SANBR: variants seen among roughly 807,000 people sequenced by gnomAD.
SANBR encodes SANT and BTB domain regulator of class switch recombination.
In SANBR, 77 loss-of-function variants were observed where a neutral mutation model predicts 101.8. The ratio of observed to expected loss-of-function variants is 0.76; its 90% CI spans 0.63 to 0.91. SANBR has a LOEUF of 0.91. Ranked by LOEUF, SANBR falls within the 40% of genes least tolerant of loss-of-function variation. SANBR has a pLI of 0.00. For missense variants in SANBR, 875 were observed against 853.0 expected, an observed-to-expected ratio of 1.03 and a Z score of -0.32; for synonymous variants, 279 against 274.7, an observed-to-expected ratio of 1.02 and a Z score of -0.15.
At chr2:61,085,909 A>G (rs72877563) in intron 8 of SANBR, among the ~76,000 whole-genome samples, 3,842 of 152,244 alleles carry the variant, frequency 0.025, 177 homozygotes, top group African/African-American at 0.088. Flanking sequence ...AGTGTTGTCT[A>G]TTAAGTTCTT....
chr2:61,137,399 A>T (rs1359778510), intron 21 of SANBR: 1 of 152,318 alleles, frequency 6.6e-6, no homozygotes, highest in Non-Finnish European at 1.5e-5. Context: ...ATAGCCTGCT[A>T]AACTCTGCAC....
At chr2:61,134,926 C>G (rs1684800190) in intron 21 of SANBR, among the ~76,000 whole-genome samples, 1 of 152,000 alleles carries the variant, frequency 6.6e-6, no homozygotes, top group South Asian at 2.1e-4. Flanking sequence ...GTGGCTCACA[C>G]CTGTAATCCC....
At chr2:61,090,852 A>T (rs1286980839) in intron 10 of SANBR, among the ~76,000 whole-genome samples, 1 of 151,812 alleles carries the variant, frequency 6.6e-6, no homozygotes, top group Non-Finnish European at 1.5e-5. Context: ...CTAGGATTAC[A>T]GGTGTGAGCC....
chr2:61,089,897 ATCT>A (rs1682649445), intron 10 of SANBR, among the ~76,000 whole-genome samples: 1 of 151,796 alleles, frequency 6.6e-6, no homozygotes, highest in African/African-American at 2.4e-5. Flanking sequence ...GGCTCAAGAG[ATCT>A]TCTTGCCTGT....
intron 6 of SANBR, among the ~76,000 whole-genome samples, chr2:61,078,752 T>C (rs1378698571): frequency 6.6e-6 from 1 of 152,142 alleles, no homozygotes; most frequent in Admixed American, 6.5e-5. Flanking sequence ...AAGGTGGTTA[T>C]TTTAGGCAGG....
intron 20 of SANBR, among the ~76,000 whole-genome samples, chr2:61,132,681 G>A (rs1684723251): frequency 1.3e-5 from 2 of 152,230 alleles, no homozygotes; most frequent in African/African-American, 4.8e-5. Context: ...TTGAAAACAG[G>A]TACTCAAACC....
chr2:61,081,679 C>T (rs564588201), intron 7 of SANBR, among the ~76,000 whole-genome samples, 169 bp downstream of exon 7: 5 of 152,180 alleles, frequency 3.3e-5, no homozygotes, highest in East Asian at 1.9e-4. Context: ...GACAGAGTCT[C>T]GCTCTGTCAC....
In SANBR at chr2:61,123,703, A is replaced by C; in HGVS notation, c.*1541A>C. 1.0e-6 allele frequency: 1 copy of C among 984,834 alleles called. No individual in the cohort carries two copies. The highest frequency in any genetic ancestry group is 1.2e-6 in the Non-Finnish European group (1 of 829,216). 61.0% of individuals were successfully genotyped at this position (984,834 alleles called of 1,614,324 possible). ...AATATATATGCTCTTTTGATTTTTA[A>C]CTGATGGTAAAAAGGCAAACTGCTT... On this transcript the variant is annotated 3_prime_UTR_variant, in exon 22 of 22. Transcript: ENST00000402291.
At chr2:61,126,030 C>A (rs188768364), downstream of SANBR, among the ~76,000 whole-genome samples, 42 of 152,306 alleles carry the variant, frequency 2.8e-4, no homozygotes, top group African/African-American at 9.4e-4. Flanking sequence ...TAGTTTCAGG[C>A]TTGTTTACTC....
chr2:61,129,359 A>G (rs954179211), intron 20 of SANBR, among the ~76,000 whole-genome samples: 5 of 151,812 alleles, frequency 3.3e-5, no homozygotes, highest in Non-Finnish European at 7.4e-5. Flanking sequence ...CAAGAGAATC[A>G]CTTGAACCTG....
At chr2:61,126,769 CAAAAAAAAAAAA>C (rs34858449), downstream of SANBR, among the ~76,000 whole-genome samples, 1 of 109,176 alleles carries the variant, frequency 9.2e-6, no homozygotes, top group Non-Finnish European at 1.9e-5. Flanking sequence ...GCCACTGTCT[CAAAAAAAAAAAA>C]AAAAAAAAAA....
chr2:61,119,539 A>G (rs1292728360), intron 20 of SANBR, among the ~76,000 whole-genome samples: 1 of 152,228 alleles, frequency 6.6e-6, no homozygotes, highest in Non-Finnish European at 1.5e-5. Context: ...TTAAAAACCT[A>G]ATAAAAATAA....
chr2:61,136,821 A>T (rs542041088), intron 21 of SANBR, among the ~76,000 whole-genome samples: 22 of 151,758 alleles, frequency 1.4e-4, no homozygotes, highest in Non-Finnish European at 2.6e-4. Flanking sequence ...AATAAAAAAA[A>T]TTAGCCAGGC....
intron 13 of SANBR, among the ~76,000 whole-genome samples, chr2:61,105,617 C>G (rs1052544905): frequency 2.0e-5 from 3 of 151,878 alleles, no homozygotes; most frequent in Admixed American, 6.6e-5. Context: ...CCACCCGCCT[C>G]TGCCTCCTGA....
rs527842383 is a variant in SANBR at position 61,074,293 on chromosome 2, A to G, written c.431+742A>G. Among the ~76,000 whole-genome samples the G allele has an allele frequency of 6.6e-5, 10 of 152,384 alleles. 1 individual carries two copies. The South Asian group carries it at 2.1e-3, about 32-fold the overall frequency. ...CAACAGTGTGAATATACTTAATGCC[A>G]CTGAACTTAAAAGTGGTTAAAGTGG... On this transcript the variant is annotated intron_variant, in intron 5 of 21. Coordinates refer to ENST00000402291, the MANE Select transcript of SANBR (RefSeq NM_001129993.3).
chr2:61,121,326 T>C lies in SANBR; in HGVS notation c.2120+50T>C, dbSNP rs1450499692. On this transcript the variant is annotated intron_variant, in intron 21 of 21. Coordinates refer to ENST00000402291, the MANE Select transcript of SANBR (RefSeq NM_001129993.3). Reference sequence around the variant, plus strand: ...AGTGTCAGTGGCTTTGAAGTGAATTTTTTTTTTAAGATAAATCATATGAAC... The same window carrying C: ...AGTGTCAGTGGCTTTGAAGTGAATTCTTTTTTTAAGATAAATCATATGAAC... The C allele has an allele frequency of 3.0e-6, 4 of 1,328,014 alleles. No homozygotes were observed. The Admixed American group carries it at 6.2e-5, about 21-fold the overall frequency. The allele number at this position is 1,328,014 out of a possible 1,614,324, so 82.3% of individuals were successfully genotyped here.
chr2:61,105,917 G>A (rs1319986174), intron 13 of SANBR, among the ~76,000 whole-genome samples: 2 of 152,146 alleles, frequency 1.3e-5, no homozygotes, highest in African/African-American at 2.4e-5. Context: ...TGATCCGCCC[G>A]CCTCGGCCTC....
intron 2 of SANBR, among the ~76,000 whole-genome samples, 183 bp from the exon 3 acceptor site, chr2:61,070,159 A>C (rs891400904): frequency 8.5e-5 from 13 of 152,238 alleles, no homozygotes; most frequent in African/African-American, 3.1e-4. Flanking sequence ...TTATCAATGC[A>C]TAATATTCAA....
chr2:61,124,141 T>C lies in SANBR; in HGVS notation c.*1979T>C. ...GTGTTTTTAATTTTGTTAATGTTTGTCTGTTATACATAGCACTGGTACCGC... is the reference window on the plus strand; with the variant it reads ...GTGTTTTTAATTTTGTTAATGTTTGCCTGTTATACATAGCACTGGTACCGC... On this transcript the variant is annotated 3_prime_UTR_variant, in exon 22 of 22. Coordinates refer to ENST00000402291, the MANE Select transcript of SANBR (RefSeq NM_001129993.3). The C allele has an allele frequency of 1.0e-6, 1 of 980,228 alleles. No homozygotes were observed. Among genetic ancestry groups the C allele is most frequent in the Non-Finnish European group, 1.2e-6 (1 of 825,060 alleles). 60.7% of individuals were successfully genotyped at this position (980,228 alleles called of 1,614,324 possible).
Sources: gnomAD v4.1 joint callset for allele counts (sites outside exome capture counted in the v4.1 genomes callset) on GRCh38, gnomAD v4.1.1 for gene constraint, MANE v1.5 for transcripts, NCBI Gene and HGNC (gene_info 2026-07-23, HGNC 2026-07-21) for gene names.